PARP15: variants seen among roughly 807,000 people sequenced by gnomAD.
PARP15 encodes the protein poly(ADP-ribose) polymerase family member 15, also known as protein mono-ADP-ribosyltransferase PARP15.
A neutral mutation model predicts 62.1 loss-of-function variants in PARP15; 50 were observed. The ratio of observed to expected loss-of-function variants is 0.81; its 90% CI spans 0.64 to 1.02. The LOEUF is 1.02. Ranked by LOEUF, PARP15 falls within the 50% of genes least tolerant of loss-of-function variation. The probability of loss-of-function intolerance (pLI) is 0.00; values close to 1 mark genes in which losing one functional copy is unlikely to be tolerated. For synonymous variants in PARP15, 309 were observed against 293.1 expected (o/e 1.05, Z -0.55); for missense variants, 820 against 826.5 (o/e 0.99, Z 0.10).
chr3:122,635,682 G>C, intron 11 of PARP15, 129 bp from the exon 12 acceptor site: 1 of 1,043,626 alleles, frequency 9.6e-7, no homozygotes, highest in Non-Finnish European at 1.4e-6. Flanking sequence ...CAAAGTGTTG[G>C]GATTACAGGC....
intron 2 of PARP15, 90 bp downstream of exon 2, chr3:122,606,145 T>C: frequency 7.2e-7 from 1 of 1,384,108 alleles, no homozygotes; most frequent in Non-Finnish European, 9.7e-7. Context: ...ATTTGTTCTT[T>C]ATCTTAATCA....
rs965080143 is a variant in PARP15, at chr3:122,638,454, A to C, written c.*2354A>C. Reference sequence around the variant, plus strand: ...GTTCCTATTTCTCCACATCCTCTCCAGCACCTGTTGCTTCCTAACTTTTTA... The same window carrying C: ...GTTCCTATTTCTCCACATCCTCTCCCGCACCTGTTGCTTCCTAACTTTTTA... On this transcript the variant is annotated 3_prime_UTR_variant, in exon 12 of 12. Transcript: ENST00000464300. The C allele has an allele frequency of 1.3e-5, 2 of 152,152 alleles. No individual in the cohort carries two copies. Among genetic ancestry groups the C allele is most frequent in the Admixed American group, 1.3e-4 (2 of 15,278 alleles). 9.4% of individuals were successfully genotyped at this position (152,152 alleles called of 1,614,324 possible). A position where few individuals can be genotyped will look rare whatever the true frequency, so the allele number is the denominator to read the frequency against.
At chr3:122,580,550 C>G (rs2080781851) in intron 1 of PARP15, among the ~76,000 whole-genome samples, 1 of 152,086 alleles carries the variant, frequency 6.6e-6, no homozygotes, top group Admixed American at 6.5e-5. Context: ...GGTGTGTTTA[C>G]ATTGTTGCAT....
At position 122,577,761 on chromosome 3, in the gene PARP15, A is replaced by T. The variant is rs1219548573; in HGVS notation, c.94A>T (p.Arg32Ter). ...LMHGVAGVTS[R>*]AGRDREAGSV... Reference sequence around the variant, plus strand: ...GCACGGAGTTGCAGGTGTTACTTCCAGAGCCGGACGAGATCGGGAGGCGGG... The same window carrying T: ...GCACGGAGTTGCAGGTGTTACTTCCTGAGCCGGACGAGATCGGGAGGCGGG... Residue 32 changes from arginine to a stop codon, truncating the protein, a stop_gained, in exon 1 of 12, where the codon AGA becomes TGA. Coordinates refer to ENST00000464300, the MANE Select transcript of PARP15 (RefSeq NM_001113523.3). LOFTEE classifies it high-confidence loss of function. 1.3e-6 allele frequency: 2 copies of T among 1,551,540 alleles called. No individual in the cohort carries two copies. Among genetic ancestry groups the T allele is most frequent in the African/African-American group, 1.4e-5 (1 of 73,050 alleles).
At position 122,584,323 on chromosome 3, in the gene PARP15, G is replaced by A. The variant is rs1333277052; in HGVS notation, c.186+6470G>A. ...TTCCACTTAATTTAGGGTCTTCCAGGTATAAATCATGTCACCTTCAAGTGA... is the reference window on the plus strand; with the variant it reads ...TTCCACTTAATTTAGGGTCTTCCAGATATAAATCATGTCACCTTCAAGTGA... On this transcript the variant is annotated intron_variant, in intron 1 of 11. Coordinates refer to ENST00000464300, the MANE Select transcript of PARP15 (RefSeq NM_001113523.3). 2.0e-5 allele frequency among the ~76,000 whole-genome samples: 3 copies of A among 151,940 alleles called. No individual in the cohort carries two copies. The East Asian group carries it at 5.8e-4, about 29-fold the overall frequency.
At chr3:122,620,362 G>A (rs908681372) in intron 7 of PARP15, among the ~76,000 whole-genome samples, 2 of 152,204 alleles carry the variant, frequency 1.3e-5, no homozygotes, top group African/African-American at 4.8e-5. Context: ...TGGACTTTGA[G>A]TGGGGAACCT....
chr3:122,585,053 A>G (rs1430796551), intron 1 of PARP15, among the ~76,000 whole-genome samples: 1 of 152,070 alleles, frequency 6.6e-6, no homozygotes, highest in Non-Finnish European at 1.5e-5. Flanking sequence ...CTTTTATGTA[A>G]CTCATATTCT....
In PARP15 at chr3:122,636,211, C is replaced by T; in HGVS notation, c.*111C>T. On this transcript the variant is annotated 3_prime_UTR_variant, in exon 12 of 12. Coordinates refer to ENST00000464300, the MANE Select transcript of PARP15 (RefSeq NM_001113523.3). ...AGATGAAAGTTTCCCTTTTAGGTGC[C>T]AAAATGCTGAAAATTACCTTTTTAA... The T allele has an allele frequency of 9.1e-7, 1 of 1,101,186 alleles. No individual in the cohort carries two copies. Among genetic ancestry groups the T allele is most frequent in the African/African-American group, 1.6e-5 (1 of 63,064 alleles). 68.2% of individuals were successfully genotyped at this position (1,101,186 alleles called of 1,614,324 possible). A position where few individuals can be genotyped will look rare whatever the true frequency, so the allele number is the denominator to read the frequency against.
intron 1 of PARP15, among the ~76,000 whole-genome samples, chr3:122,599,607 T>G (rs1934641286): frequency 6.6e-6 from 1 of 152,136 alleles, no homozygotes; most frequent in African/African-American, 2.4e-5. Flanking sequence ...AGACAGGGTT[T>G]CACTGTGTTG....
At chr3:122,583,622 G>A (rs959792093) in intron 1 of PARP15, among the ~76,000 whole-genome samples, 1 of 152,152 alleles carries the variant, frequency 6.6e-6, no homozygotes, top group African/African-American at 2.4e-5. Flanking sequence ...TAAGTTACTT[G>A]AGAAATGTTT....
At chr3:122,591,418 T>C (rs1261414706) in intron 1 of PARP15, among the ~76,000 whole-genome samples, 2 of 152,188 alleles carry the variant, frequency 1.3e-5, no homozygotes, top group African/African-American at 2.4e-5. Flanking sequence ...CAGAAGCCAA[T>C]TGTGACTTCA....
At chr3:122,613,671 T>TAGCAGCACCATATTCAGCAGTGGAGA (rs1235768832) in intron 4 of PARP15, among the ~76,000 whole-genome samples, 1 of 152,164 alleles carries the variant, frequency 6.6e-6, no homozygotes, top group African/African-American at 2.4e-5. Context: ...AAACTAGAAA[T>TAGCAGCACCATATTCAGCAGTGGAGA]AGCAGCACCA....
intron 8 of PARP15, among the ~76,000 whole-genome samples, chr3:122,623,742 C>T (rs1360516668): frequency 6.6e-6 from 1 of 152,144 alleles, no homozygotes; most frequent in Non-Finnish European, 1.5e-5. Context: ...AGAATCATTG[C>T]CCATTAAATT....
At chr3:122,615,677 T>C (rs199621036) in intron 4 of PARP15, 102 bp from the exon 5 acceptor site, 27 of 1,587,034 alleles carry the variant, frequency 1.7e-5, no homozygotes, top group Non-Finnish European at 2.2e-5. Flanking sequence ...TTTTGAGAAC[T>C]ATTGTTATCA....
intron 2 of PARP15, 40 bp from the exon 3 acceptor site, chr3:122,610,454 A>G (rs1365577308): frequency 1.4e-6 from 2 of 1,475,656 alleles, no homozygotes; most frequent in Non-Finnish European, 1.8e-6. Flanking sequence ...ATCATTATGT[A>G]TTATTGATTC....
intron 8 of PARP15, among the ~76,000 whole-genome samples, chr3:122,622,125 A>G (rs948225085): frequency 2.6e-5 from 4 of 152,138 alleles, no homozygotes; most frequent in Non-Finnish European, 5.9e-5. Context: ...ATGTTCCCTA[A>G]GTATCTTTCC....
At chr3:122,603,345 C>CTCA (rs775628036) in intron 1 of PARP15, among the ~76,000 whole-genome samples, 2 of 152,076 alleles carry the variant, frequency 1.3e-5, no homozygotes, top group Non-Finnish European at 1.5e-5. Flanking sequence ...ACCCAGCTTA[C>CTCA]TCAAGGAAGA....
chr3:122,578,649 C>G (rs760237454), intron 1 of PARP15, among the ~76,000 whole-genome samples: 2 of 151,830 alleles, frequency 1.3e-5, no homozygotes, highest in Non-Finnish European at 2.9e-5. Flanking sequence ...GCTAGTCTTC[C>G]TAGAGAGTGC....
chr3:122,577,809 C>G lies in PARP15; in HGVS notation c.142C>G (p.Arg48Gly). The part of the protein sequence containing the change: ...EAGSVLPAGN[R>G]GARKASRRSS... ...GGGGAGCGTGCTGCCGGCCGGGAAC[C>G]GTGGGGCGCGGAAGGCCTCCCGGCG... is the stretch of plus-strand genomic sequence containing the variant. The change falls in exon 1 of 12, where the codon CGT becomes GGT. Residue 48 changes from arginine (R) to glycine (G), a missense_variant. This residue lies in a region of PARP15 where 731 missense variants were observed against 727.7 expected (regional missense o/e 1.00). Coordinates refer to ENST00000464300, the MANE Select transcript of PARP15 (RefSeq NM_001113523.3). The G allele has an allele frequency of 6.4e-7, 1 of 1,550,698 alleles. No homozygotes were observed. The highest frequency in any genetic ancestry group is 8.7e-7 in the Non-Finnish European group (1 of 1,146,526).
Sources: gnomAD v4.1 joint callset for allele counts (sites outside exome capture counted in the v4.1 genomes callset) on GRCh38, gnomAD v4.1.1 for gene constraint, gnomAD v4.1.1 regional missense constraint, MANE v1.5 for transcripts, NCBI Gene and HGNC (gene_info 2026-07-23, HGNC 2026-07-21) for gene names.